The following CLEC16A variants were observed in gnomAD, a reference collection of about 807,000 sequenced individuals.
CLEC16A encodes protein CLEC16A.
Under a neutral mutation model 109.5 loss-of-function variants are expected in CLEC16A, and 51 were observed. That is an observed-to-expected ratio of 0.47 (90% CI 0.37 to 0.59). The LOEUF (loss-of-function observed/expected upper bound fraction) is 0.59. Among genes scored for constraint, CLEC16A ranks in the 20% least tolerant of loss-of-function variants. The pLI is 0.00. For synonymous variants in CLEC16A, 673 were observed against 564.2 expected (o/e 1.19, Z -2.73); for missense variants, 1,339 against 1,394.0 (o/e 0.96, Z 0.63).
intron 19 of CLEC16A, among the ~76,000 whole-genome samples, chr16:11,103,172 G>T (rs2051021393): frequency 6.6e-6 from 1 of 152,352 alleles, no homozygotes; most frequent in East Asian, 1.9e-4. Flanking sequence ...GCCCACAAGG[G>T]TCAGATCCAA....
intron 13 of CLEC16A, chr16:11,026,884 C>A: frequency 1.4e-6 from 1 of 695,998 alleles, no homozygotes; most frequent in South Asian, 1.9e-5. Flanking sequence ...ACCTCAATGG[C>A]TCACTATGGC....
chr16:11,108,313 C>G (rs974814202), intron 19 of CLEC16A, among the ~76,000 whole-genome samples: 1 of 152,252 alleles, frequency 6.6e-6, no homozygotes, highest in African/African-American at 2.4e-5. Flanking sequence ...AAAGAAGGAA[C>G]TAGGTCTCCT....
At chr16:11,022,614 A>G (rs1283953114) in intron 12 of CLEC16A, among the ~76,000 whole-genome samples, 1 of 152,002 alleles carries the variant, frequency 6.6e-6, no homozygotes, top group Non-Finnish European at 1.5e-5. Context: ...ATATAGGCCT[A>G]AGAGGCCGGG....
rs2051233530 is a variant in CLEC16A at position 11,106,549 on chromosome 16, T to A, written c.2117-14066T>A. 3.3e-5 allele frequency among the ~76,000 whole-genome samples: 5 copies of A among 151,576 alleles called. No homozygotes were observed. In the South Asian group the frequency reaches 1.0e-3, roughly 32 times the overall value. On this transcript the variant is annotated intron_variant, in intron 19 of 23. Transcript: ENST00000409790. ...GTTAACCAAGCTGGAGTTTACAGGC[T>A]TAGTCTTAGTGCTGTAGCCTCAAAC... is the stretch of plus-strand genomic sequence containing the variant.
At chr16:11,011,212 T>C (rs962100462) in intron 11 of CLEC16A, among the ~76,000 whole-genome samples, 2 of 152,278 alleles carry the variant, frequency 1.3e-5, no homozygotes, top group Admixed American at 6.5e-5. Context: ...TGATGATTCT[T>C]GCCTGGTTCA....
intron 1 of CLEC16A, among the ~76,000 whole-genome samples, chr16:10,950,684 G>A (rs1415909571): frequency 6.6e-6 from 1 of 152,190 alleles, no homozygotes; most frequent in African/African-American, 2.4e-5. Context: ...TGGTTTTCAG[G>A]GCACAGAGTG....
chr16:10,952,878 C>T (rs906470683), intron 1 of CLEC16A, among the ~76,000 whole-genome samples: 4 of 152,210 alleles, frequency 2.6e-5, no homozygotes, highest in Admixed American at 6.5e-5. Flanking sequence ...AACAATAGAT[C>T]TGCAAGATTC....
At chr16:11,136,537 ACACATTAATCAATTAG>A (rs1237235851) in intron 22 of CLEC16A, among the ~76,000 whole-genome samples, 1 of 152,226 alleles carries the variant, frequency 6.6e-6, no homozygotes, top group African/African-American at 2.4e-5. Context: ...TTCCTTTTCT[ACACATTAATCAATTAG>A]CACGAACAAA....
At chr16:11,003,622 C>T (rs9925481) in intron 11 of CLEC16A, among the ~76,000 whole-genome samples, 17,003 of 152,096 alleles carry the variant, frequency 0.11, 1,211 homozygotes, top group African/African-American at 0.21. Flanking sequence ...ATTAAATGAG[C>T]GAATATGTGC....
At chr16:11,020,145 G>C (rs2046008405) in intron 11 of CLEC16A, 48 bp from the exon 12 acceptor site, 1 of 1,559,042 alleles carries the variant, frequency 6.4e-7, no homozygotes, top group Admixed American at 1.9e-5. Flanking sequence ...ATAAATCTAG[G>C]GCTGAAAAGC....
At chr16:11,050,365 C>T (rs1477804682) in intron 17 of CLEC16A, among the ~76,000 whole-genome samples, 1 of 152,204 alleles carries the variant, frequency 6.6e-6, no homozygotes, top group Non-Finnish European at 1.5e-5. Context: ...GTATCTGGGC[C>T]ACTGAGCCCT....
At chr16:11,168,031 T>C (rs1324959607) in intron 23 of CLEC16A, among the ~76,000 whole-genome samples, 1 of 152,168 alleles carries the variant, frequency 6.6e-6, no homozygotes, top group Non-Finnish European at 1.5e-5. Flanking sequence ...TGTGGTCACC[T>C]TTCTGTCATT....
intron 1 of CLEC16A, among the ~76,000 whole-genome samples, chr16:10,952,226 G>A (rs2041770918): frequency 6.6e-6 from 1 of 152,182 alleles, no homozygotes; most frequent in Non-Finnish European, 1.5e-5. Flanking sequence ...GGGTGAGTTG[G>A]CTCACACCTG....
intron 10 of CLEC16A, among the ~76,000 whole-genome samples, chr16:10,994,709 A>T (rs1006407804): frequency 6.6e-6 from 1 of 152,216 alleles, no homozygotes; most frequent in Admixed American, 6.5e-5. Flanking sequence ...GTCTCAAAAA[A>T]AAAAGTGAAA....
chr16:11,098,617 C>G (rs1017316128), intron 19 of CLEC16A, among the ~76,000 whole-genome samples: 9 of 152,204 alleles, frequency 5.9e-5, no homozygotes, highest in Non-Finnish European at 1.2e-4. Flanking sequence ...GAGAACCAGC[C>G]TGGTGGGGCT....
chr16:11,126,605 T>G (rs2052838819), intron 22 of CLEC16A: 1 of 301,910 alleles, frequency 3.3e-6, no homozygotes, highest in African/African-American at 2.2e-5. Context: ...TATGAGGGCG[T>G]CTCCTCCCAC....
intron 18 of CLEC16A, among the ~76,000 whole-genome samples, chr16:11,059,310 A>T (rs773240850): frequency 2.0e-5 from 3 of 152,236 alleles, no homozygotes; most frequent in Non-Finnish European, 4.4e-5. Context: ...TGACAATCAG[A>T]TACGAATGCT....
chr16:11,024,939 G>A lies in CLEC16A; in HGVS notation c.1537+18G>A. The A allele has an allele frequency of 6.4e-7, 1 of 1,562,880 alleles. No homozygotes were observed. Among genetic ancestry groups the A allele is most frequent in the Admixed American group, 1.8e-5 (1 of 56,636 alleles). ...TAATAAAGGTAAGCACCCTTGCCTTGCCTGACTTCCTTGCTGGGCCCTGCA... is the reference window on the plus strand; with the variant it reads ...TAATAAAGGTAAGCACCCTTGCCTTACCTGACTTCCTTGCTGGGCCCTGCA... On this transcript the variant is annotated intron_variant, in intron 13 of 23. Transcript: ENST00000409790.
In CLEC16A at chr16:10,998,700, G is replaced by T. The variant is rs760004316; in HGVS notation, c.1072-4374G>T. ...TTTTCATCATTCTGTCTTGCCCTTT[G>T]GGTACAGCCTGGTACAAACATTCAT... is the stretch of plus-strand genomic sequence containing the variant. On this transcript the variant is annotated intron_variant, in intron 10 of 23. Coordinates refer to ENST00000409790, the MANE Select transcript of CLEC16A (RefSeq NM_015226.3). 4.1e-4 allele frequency among the ~76,000 whole-genome samples: 62 copies of T among 151,822 alleles called. 1 individual carries two copies. The highest frequency in any genetic ancestry group is 1.2e-4 in the Non-Finnish European group (8 of 67,990).
Sources: allele counts gnomAD v4.1 joint callset (sites outside exome capture counted in the v4.1 genomes callset), GRCh38; gene constraint gnomAD v4.1.1; transcripts MANE v1.5; gene names NCBI Gene and HGNC (gene_info 2026-07-23, HGNC 2026-07-21).